GARIN2: variants seen among roughly 807,000 people sequenced by gnomAD.
GARIN2 encodes the protein golgi associated RAB2 interactor family member 2.
the GARIN2 span, among the ~76,000 whole-genome samples, chr14:67,193,058 C>CTA: frequency 8.3e-4 from 120 of 143,956 alleles, no homozygotes; most frequent in African/African-American, 2.8e-3. Context: ...AGATATATCT[C>CTA]TATATCTATA....
chr14:67,215,426 C>A, the GARIN2 span, among the ~76,000 whole-genome samples: 1 of 150,692 alleles, frequency 6.6e-6, no homozygotes, highest in Non-Finnish European at 1.5e-5. Context: ...TTTATGATAA[C>A]CACTGAGCTA....
the GARIN2 span, chr14:67,228,336 C>T: frequency 1.6e-5 from 8 of 486,846 alleles, no homozygotes; most frequent in Non-Finnish European, 2.1e-5. Context: ...GTATTTAGTT[C>T]ATCTTGTCTT....
chr14:67,192,837 T>G, the GARIN2 span, among the ~76,000 whole-genome samples: 1 of 146,228 alleles, frequency 6.8e-6, no homozygotes, highest in African/African-American at 2.5e-5. Flanking sequence ...GATCTATATA[T>G]ATATCTATAT....
the GARIN2 span, chr14:67,203,297 A>G: frequency 6.4e-7 from 1 of 1,566,662 alleles, no homozygotes; most frequent in Non-Finnish European, 8.7e-7. Flanking sequence ...TCACCAGGTG[A>G]GTTACAAAGA....
the GARIN2 span, among the ~76,000 whole-genome samples, chr14:67,215,791 C>T: frequency 4.6e-5 from 7 of 152,128 alleles, no homozygotes; most frequent in African/African-American, 1.7e-4. Flanking sequence ...CTGATGTCTT[C>T]CTTATGTTTT....
the GARIN2 span, among the ~76,000 whole-genome samples, chr14:67,201,153 G>A: frequency 6.6e-5 from 10 of 152,096 alleles, no homozygotes; most frequent in Non-Finnish European, 1.3e-4. Flanking sequence ...AATTAGCAGG[G>A]TGCAGTGCTG....
At chr14:67,221,267 C>T in the GARIN2 span, among the ~76,000 whole-genome samples, 1 of 152,202 alleles carries the variant, frequency 6.6e-6, no homozygotes, top group Admixed American at 6.5e-5. Context: ...GATTCCCAAG[C>T]ATGGCCACCC....
chr14:67,221,907 C>T, the GARIN2 span: 1 of 1,447,982 alleles, frequency 6.9e-7, no homozygotes, highest in Non-Finnish European at 9.4e-7. Context: ...CAAAGGAATT[C>T]AGCTAGACTT....
the GARIN2 span, among the ~76,000 whole-genome samples, chr14:67,193,988 A>G: frequency 6.6e-6 from 1 of 151,352 alleles, no homozygotes; most frequent in Non-Finnish European, 1.5e-5. Context: ...AAAAAACAGA[A>G]AGAAAGAAAT....
At chr14:67,213,183 C>CT in the GARIN2 span, among the ~76,000 whole-genome samples, 1 of 145,114 alleles carries the variant, frequency 6.9e-6, no homozygotes, top group Non-Finnish European at 1.5e-5. Flanking sequence ...TATTATTATA[C>CT]TTTAAGTTTT....
the GARIN2 span, among the ~76,000 whole-genome samples, chr14:67,191,420 A>T: frequency 6.6e-6 from 1 of 152,226 alleles, no homozygotes; most frequent in South Asian, 2.1e-4. Context: ...AGGACATTTT[A>T]GGGGCATGTA....
the GARIN2 span, chr14:67,222,027 TAC>T: frequency 1.9e-6 from 1 of 519,388 alleles, no homozygotes; most frequent in Non-Finnish European, 3.3e-6. Context: ...AACATTATGG[TAC>T]TTTACTACTT....
the GARIN2 span, among the ~76,000 whole-genome samples, chr14:67,206,420 C>A: frequency 6.6e-6 from 1 of 151,970 alleles, no homozygotes; most frequent in Non-Finnish European, 1.5e-5. Flanking sequence ...TGTTTGAAAC[C>A]GGGAGGTGGA....
the GARIN2 span, among the ~76,000 whole-genome samples, chr14:67,196,269 T>C: frequency 3.3e-5 from 5 of 151,374 alleles, no homozygotes; most frequent in African/African-American, 1.2e-4. Flanking sequence ...CAGCCTGCAG[T>C]GCATTGGCAC....
chr14:67,227,243 C>T, the GARIN2 span, among the ~76,000 whole-genome samples: 13 of 151,682 alleles, frequency 8.6e-5, no homozygotes, highest in Non-Finnish European at 1.9e-4. Flanking sequence ...AGTTCGAGAC[C>T]AGCCTGGCCA....
At chr14:67,201,612 G>A in the GARIN2 span, 1 of 448,256 alleles carries the variant, frequency 2.2e-6, no homozygotes, top group African/African-American at 2.0e-5. Flanking sequence ...TCACTGGCAA[G>A]GGGTGTGGAG....
the GARIN2 span, among the ~76,000 whole-genome samples, chr14:67,190,044 G>A: frequency 2.0e-5 from 3 of 148,590 alleles, no homozygotes; most frequent in East Asian, 5.9e-4. Context: ...CAGGGTTATA[G>A]GCATCGCCCA....
the GARIN2 span, among the ~76,000 whole-genome samples, chr14:67,225,956 TGTGTGTGC>T: frequency 0.032 from 4,388 of 136,272 alleles, 101 homozygotes; most frequent in African/African-American, 0.067. Flanking sequence ...TGTGTGTGTG[TGTGTGTGC>T]GCGCGCGCGC....
chr14:67,220,079 T>C, the GARIN2 span, among the ~76,000 whole-genome samples: 1 of 152,200 alleles, frequency 6.6e-6, no homozygotes, highest in African/African-American at 2.4e-5. Context: ...TTATATATAT[T>C]ATTTTTCTTT....
Sources: allele counts gnomAD v4.1 joint callset (sites outside exome capture counted in the v4.1 genomes callset), GRCh38; gene constraint gnomAD v4.1.1; transcripts MANE v1.5; gene names NCBI Gene and HGNC (gene_info 2026-07-23, HGNC 2026-07-21).